Variants in RAB2B observed in about 807,000 individuals in gnomAD.
The protein encoded by RAB2B is ras-related protein Rab-2B.
Under a neutral mutation model 29.8 loss-of-function variants are expected in RAB2B, and 20 were observed. The ratio of observed to expected loss-of-function variants is 0.67; its 90% CI spans 0.47 to 0.97. RAB2B has a LOEUF of 0.97. Ranked by LOEUF, RAB2B falls within the 50% of genes least tolerant of loss-of-function variation. The pLI, the probability that RAB2B is intolerant of heterozygous loss-of-function variation, is 0.00. For synonymous variants in RAB2B, 93 were observed against 91.7 expected (o/e 1.01, Z -0.08); for missense variants, 218 against 272.0 (o/e 0.80, Z 1.40).
At chr14:21,473,768 T>C (rs1890876811) in intron 3 of RAB2B, among the ~76,000 whole-genome samples, 1 of 151,928 alleles carries the variant, frequency 6.6e-6, no homozygotes, top group South Asian at 2.1e-4. Context: ...ATCCCGGCAC[T>C]TTGGGAGGCT....
chr14:21,471,160 G>A (rs555224805), intron 3 of RAB2B, among the ~76,000 whole-genome samples: 2 of 144,006 alleles, frequency 1.4e-5, no homozygotes, highest in Non-Finnish European at 3.0e-5. Flanking sequence ...GCAACAGAGT[G>A]AGACTCTGTC....
rs1311014006 is a variant in RAB2B, at chr14:21,468,441, G to T, written c.278C>A (p.Thr93Asn). The T allele has an allele frequency of 1.2e-6, 2 of 1,613,694 alleles. No homozygotes were observed. Among genetic ancestry groups the T allele is most frequent in the African/African-American group, 2.7e-5 (2 of 74,828 alleles). ...LLVYDITRRE[T>N]FNHLTSWLED... ...TAACCATGAGGTCAGGTGGTTGAAG[G>T]TTTCACGCCTACAGCAGAAAAATTT... is the stretch of plus-strand genomic sequence containing the variant. The change falls in exon 5 of 8, where the codon ACC becomes AAC. Residue 93 changes from threonine to asparagine, a missense_variant. Physicochemically the swap from Thr to Asn is moderately conservative, Grantham distance 65 (BLOSUM62 0). Transcript: ENST00000397762.
chr14:21,476,312 C>T, intron 2 of RAB2B: 1 of 556,966 alleles, frequency 1.8e-6, no homozygotes, highest in Non-Finnish European at 3.2e-6. Context: ...CTATACCTCA[C>T]ACTCTAAAAA....
At chr14:21,468,573 A>T in intron 4 of RAB2B, 97 bp downstream of exon 4, 1 of 1,252,852 alleles carries the variant, frequency 8.0e-7, no homozygotes, top group Non-Finnish European at 1.1e-6. Flanking sequence ...GGCCATTCCT[A>T]GTTAACATCC....
At chr14:21,463,169 G>T (rs896753405) in intron 6 of RAB2B, among the ~76,000 whole-genome samples, 1 of 151,360 alleles carries the variant, frequency 6.6e-6, no homozygotes, top group African/African-American at 2.4e-5. Flanking sequence ...AAAACCTTGG[G>T]AATCAGGGTA....
At chr14:21,474,744 A>C (rs949149881) in intron 3 of RAB2B, 123 bp downstream of exon 3, 27 of 738,098 alleles carry the variant, frequency 3.7e-5, no homozygotes, top group Middle Eastern at 2.4e-4. Context: ...TCTCTCTTTG[A>C]TTTCACCTTT....
At position 21,462,204 on chromosome 14, in the gene RAB2B, A is replaced by C. The variant is rs998119266; in HGVS notation, c.543+146T>G. ...ACAGGTCTCTGTGTACCTAGATTTAAAAAAAAAAAAAAAAAAGTGTTGAAT... is the reference window on the plus strand; with the variant it reads ...ACAGGTCTCTGTGTACCTAGATTTACAAAAAAAAAAAAAAAAGTGTTGAAT... On this transcript the variant is annotated intron_variant, in intron 7 of 7. Transcript: ENST00000397762. The C allele has an allele frequency of 3.2e-5, 6 of 188,894 alleles. No individual in the cohort carries two copies. In the Admixed American group the frequency reaches 6.5e-4, roughly 20 times the overall value. The allele number at this position is 188,894 out of a possible 1,614,324, so 11.7% of individuals were successfully genotyped here. A position where few individuals can be genotyped will look rare whatever the true frequency, so the allele number is the denominator to read the frequency against.
In RAB2B at chr14:21,462,363, T is replaced by C; in HGVS notation, c.530A>G (p.Asp177Gly). ...ACCCTTTCTTACCTCATTGTGGACATCAAATAAACCCTGCTGGATCTTCCT... is the reference window on the plus strand; with the variant it reads ...ACCCTTTCTTACCTCATTGTGGACACCAAATAAACCCTGCTGGATCTTCCT... ...IYRKIQQGLF[D>G]VHNEANGIKI... The change falls in exon 7 of 8, where the codon GAT becomes GGT. Residue 177 changes from aspartate to glycine, a missense_variant. Coordinates refer to ENST00000397762, the MANE Select transcript of RAB2B (RefSeq NM_032846.4). 1.2e-6 allele frequency: 2 copies of C among 1,613,504 alleles called. No homozygotes were observed. Among genetic ancestry groups the C allele is most frequent in the Non-Finnish European group, 1.7e-6 (2 of 1,179,758 alleles).
chr14:21,474,117 G>C (rs1890887343), intron 3 of RAB2B, among the ~76,000 whole-genome samples: 2 of 152,196 alleles, frequency 1.3e-5, no homozygotes, highest in South Asian at 4.1e-4. Context: ...CTTGAACCCA[G>C]GCGGTGGAGG....
intron 1 of RAB2B, 112 bp downstream of exon 1, chr14:21,476,715 G>T: frequency 1.0e-5 from 8 of 769,156 alleles, no homozygotes; most frequent in Non-Finnish European, 1.5e-5. Flanking sequence ...GCCCCGAACC[G>T]CCCCGCCCGT....
At position 21,461,103 on chromosome 14, in the gene RAB2B, G is replaced by T. The variant is rs1035937105; in HGVS notation, c.*93C>A. 1.5e-5 allele frequency: 13 copies of T among 873,514 alleles called. No individual in the cohort carries two copies. Among genetic ancestry groups the T allele is most frequent in the Non-Finnish European group, 2.2e-5 (12 of 552,232 alleles). The allele number at this position is 873,514 out of a possible 1,614,324, so 54.1% of individuals were successfully genotyped here. On this transcript the variant is annotated 3_prime_UTR_variant, in exon 8 of 8. Transcript: ENST00000397762. ...GCAAAACATCACACTTTAAAAAGAGGCTGCTCTCAGCCAAAGCAAGAAAGA... is the reference window on the plus strand; with the variant it reads ...GCAAAACATCACACTTTAAAAAGAGTCTGCTCTCAGCCAAAGCAAGAAAGA...
chr14:21,476,534 T>C lies in RAB2B; in HGVS notation c.112A>G (p.Thr38Ala). The change falls in exon 2 of 8, where the codon ACA becomes GCA. Residue 38 changes from threonine to alanine, a missense_variant. Thr to Ala is a moderately conservative substitution (Grantham distance 58). Coordinates refer to ENST00000397762, the MANE Select transcript of RAB2B (RefSeq NM_032846.4). ...DKRFQPVHDL[T>A]IGVEFGARMV... ...AACAAGTAGATGCACTTACCTATTG[T>C]GAGGTCGTGGACAGGCTGGAACCGC... 6.2e-7 allele frequency: 1 copy of C among 1,613,758 alleles called. No homozygotes were observed. Among genetic ancestry groups the C allele is most frequent in the Non-Finnish European group, 8.5e-7 (1 of 1,180,010 alleles).
chr14:21,476,900 C>T lies in RAB2B; in HGVS notation c.-28G>A, dbSNP rs200779981. Reference sequence around the variant, plus strand: ...TGTCGCGTCCTCTGGGTTCCGGGTCCGCCCGACTTCTATAGCCACTTACCT... The same window carrying T: ...TGTCGCGTCCTCTGGGTTCCGGGTCTGCCCGACTTCTATAGCCACTTACCT... On this transcript the variant is annotated 5_prime_UTR_variant, in exon 1 of 8. Transcript: ENST00000397762. 1.9e-4 allele frequency: 311 copies of T among 1,612,560 alleles called. 1 individual carries two copies. Among genetic ancestry groups the T allele is most frequent in the Middle Eastern group, 7.3e-4 (4 of 5,488 alleles).
intron 3 of RAB2B, among the ~76,000 whole-genome samples, chr14:21,474,341 A>G (rs1890894994): frequency 6.6e-6 from 1 of 152,234 alleles, no homozygotes; most frequent in Admixed American, 6.5e-5. Flanking sequence ...ATCTATATGT[A>G]TTGATATGGA....
intron 6 of RAB2B, among the ~76,000 whole-genome samples, chr14:21,462,692 C>T (rs57098252): frequency 0.2 from 29,889 of 151,586 alleles, 3,859 homozygotes; most frequent in African/African-American, 0.36. Context: ...ATACAAAAAT[C>T]AGCCGGGCGT....
chr14:21,471,196 C>T (rs951203861), intron 3 of RAB2B, among the ~76,000 whole-genome samples: 4 of 150,144 alleles, frequency 2.7e-5, no homozygotes, highest in African/African-American at 9.8e-5. Context: ...AAAAAAATCA[C>T]TCTACTTCAT....
At chr14:21,466,691 T>C (rs1418479414) in intron 5 of RAB2B, among the ~76,000 whole-genome samples, 1 of 152,154 alleles carries the variant, frequency 6.6e-6, no homozygotes, top group Non-Finnish European at 1.5e-5. Context: ...AATGTCAATA[T>C]CAGACCATGA....
intron 4 of RAB2B, 71 bp from the exon 5 acceptor site, chr14:21,468,520 C>T (rs1005520460): frequency 2.0e-5 from 28 of 1,426,792 alleles, no homozygotes; most frequent in Non-Finnish European, 2.4e-5. Context: ...CAAGCGTATA[C>T]GAAAAGAGGG....
rs140211092 is a variant in RAB2B, at chr14:21,461,228, G to A, written c.619C>T (p.Arg207Cys). 2.0e-5 allele frequency: 33 copies of A among 1,613,596 alleles called. No homozygotes were observed. The highest frequency in any genetic ancestry group is 3.3e-5 in the South Asian group (3 of 91,036). Reference sequence around the variant, plus strand: ...CAGCCAGAGTTGGACCCTATGTCACGAGAGTTCCGCTGGGAGGCACTGGGT... The same window carrying A: ...CAGCCAGAGTTGGACCCTATGTCACAAGAGTTCCGCTGGGAGGCACTGGGT... ...VGPSASQRNS[R>C]DIGSNSGCC The change falls in exon 8 of 8, where the codon CGT becomes TGT. Residue 207 changes from arginine (R) to cysteine (C), a missense_variant. Transcript: ENST00000397762.
Sources: gnomAD v4.1 joint callset for allele counts (sites outside exome capture counted in the v4.1 genomes callset) on GRCh38, gnomAD v4.1.1 for gene constraint, MANE v1.5 for transcripts, NCBI Gene and HGNC (gene_info 2026-07-23, HGNC 2026-07-21) for gene names.